LIN28B: variants seen among roughly 807,000 people sequenced by gnomAD.
LIN28B encodes the protein lin-28 RNA binding posttranscriptional regulator B.
In LIN28B, 5 loss-of-function variants were observed where a neutral mutation model predicts 21.9. The ratio of observed to expected loss-of-function variants is 0.23; its 90% CI spans 0.12 to 0.48. LIN28B has a LOEUF of 0.48. LIN28B is among the 20% of genes least tolerant of loss of function. LIN28B has a pLI of 0.98. For missense variants in LIN28B, 245 were observed against 310.5 expected (o/e 0.79, Z 1.58); for synonymous variants, 109 against 111.3 (o/e 0.98, Z 0.13).
intron 2 of LIN28B, among the ~76,000 whole-genome samples, chr6:104,985,879 A>G (rs1391028671): frequency 6.6e-6 from 1 of 152,216 alleles, no homozygotes; most frequent in African/African-American, 2.4e-5. Flanking sequence ...AGTTGACCCA[A>G]TACCCTAGAT....
At chr6:104,944,637 A>G (rs1433973676) in intron 2 of LIN28B, among the ~76,000 whole-genome samples, 2 of 152,222 alleles carry the variant, frequency 1.3e-5, no homozygotes, top group East Asian at 1.9e-4. Flanking sequence ...TACTGCTTAC[A>G]ATATTACTGT....
Position 104,951,035 on chromosome 6 carries a change from T to C in LIN28B, c.67+526T>C, listed in dbSNP as rs182092196. On this transcript the variant is annotated intron_variant, in intron 3 of 5. Coordinates refer to the LIN28B transcript ENST00000635857. ...CTGTGTTGCTTTTCATAAACATATA[T>C]CAGAATTTGCTCCTCGTTTTCATAT... Among the ~76,000 whole-genome samples the C allele has an allele frequency of 2.5e-3, 380 of 152,312 alleles. 8 individuals carry two copies. Among genetic ancestry groups the C allele is most frequent in the Admixed American group, 0.023 (352 of 15,286 alleles).
chr6:105,060,776 C>T (rs1772109951), intron 3 of LIN28B, among the ~76,000 whole-genome samples: 1 of 152,090 alleles, frequency 6.6e-6, no homozygotes, highest in Admixed American at 6.5e-5. Flanking sequence ...AAATGTAGAA[C>T]TTATTGGAAG....
At chr6:104,939,576 T>C (rs1562556182) in intron 2 of LIN28B, 1 of 152,206 alleles carries the variant, frequency 6.6e-6, no homozygotes, top group Non-Finnish European at 1.5e-5. Flanking sequence ...AATCCAGAAA[T>C]TGGAAGGGAG....
intron 2 of LIN28B, among the ~76,000 whole-genome samples, chr6:104,982,374 T>C (rs190842356): frequency 6.6e-6 from 1 of 152,060 alleles, no homozygotes; most frequent in East Asian, 1.9e-4. Context: ...AGTGATGAGA[T>C]TGAATGACAG....
intron 2 of LIN28B, among the ~76,000 whole-genome samples, chr6:104,964,189 A>C (rs1769810984): frequency 6.6e-6 from 1 of 152,196 alleles, no homozygotes; most frequent in Non-Finnish European, 1.5e-5. Flanking sequence ...ACTTAAAAAT[A>C]AGATGCACTG....
chr6:104,986,989 C>A (rs1770360253), intron 2 of LIN28B, among the ~76,000 whole-genome samples: 1 of 152,188 alleles, frequency 6.6e-6, no homozygotes, highest in African/African-American at 2.4e-5. Flanking sequence ...GTTTTTCAGA[C>A]ATACCAAAGC....
chr6:105,063,631 A>C (rs1202124103), intron 3 of LIN28B, among the ~76,000 whole-genome samples: 1 of 101,542 alleles, frequency 9.8e-6, no homozygotes. Flanking sequence ...GCAAGACTCC[A>C]TCTCGGGGGG....
At chr6:105,002,908 G>T (rs1052546465) in intron 2 of LIN28B, among the ~76,000 whole-genome samples, 2 of 152,124 alleles carry the variant, frequency 1.3e-5, no homozygotes, top group African/African-American at 4.8e-5. Flanking sequence ...GGGCTTCTGG[G>T]CAACAGCATT....
intron 3 of LIN28B, among the ~76,000 whole-genome samples, chr6:105,034,858 C>T (rs138083644): frequency 8.5e-4 from 129 of 152,038 alleles, no homozygotes; most frequent in African/African-American, 3.0e-3. Flanking sequence ...TTTGGGATTA[C>T]GAGAATCAGT....
intron 3 of LIN28B, among the ~76,000 whole-genome samples, chr6:105,051,206 C>T (rs191616822): frequency 2.6e-5 from 4 of 151,432 alleles, no homozygotes; most frequent in Non-Finnish European, 5.9e-5. Context: ...TTTGGGAGGC[C>T]GAGTCGGGTG....
chr6:104,950,830 G>T (rs967191037), intron 3 of LIN28B, among the ~76,000 whole-genome samples: 6 of 151,942 alleles, frequency 3.9e-5, no homozygotes, highest in Non-Finnish European at 7.4e-5. Flanking sequence ...TTATGGAGAT[G>T]AATGAAAAGT....
intron 2 of LIN28B, among the ~76,000 whole-genome samples, chr6:105,003,902 A>G (rs1205301559): frequency 6.6e-6 from 1 of 152,226 alleles, no homozygotes; most frequent in Non-Finnish European, 1.5e-5. Flanking sequence ...GGTTCTCTAG[A>G]GGGACAACAC....
At chr6:104,979,048 A>AT (rs1191518735) in intron 2 of LIN28B, among the ~76,000 whole-genome samples, 1 of 152,154 alleles carries the variant, frequency 6.6e-6, no homozygotes, top group Non-Finnish European at 1.5e-5. Context: ...CCAGTAAGTC[A>AT]TTTAAGATTT....
chr6:104,981,358 T>C (rs1770220578), intron 2 of LIN28B, among the ~76,000 whole-genome samples: 1 of 152,230 alleles, frequency 6.6e-6, no homozygotes, highest in Non-Finnish European at 1.5e-5. Context: ...ACCAGGTTCC[T>C]GTGATCCTTG....
chr6:105,054,759 T>A (rs1771987879), intron 3 of LIN28B, among the ~76,000 whole-genome samples: 2 of 152,206 alleles, frequency 1.3e-5, no homozygotes, highest in African/African-American at 4.8e-5. Context: ...CTTGCCACTT[T>A]GGGGTGCCCC....
rs79348985 is a variant in LIN28B at position 104,959,143 on chromosome 6, C to T, written c.198+857C>T. ...TAATGAATTAATACTTCTGCCTTTA[C>T]TCCTCTCTACTGCTTAATCCCTTTA... On this transcript the variant is annotated intron_variant, in intron 2 of 3. Transcript: ENST00000345080. 1.4e-4 allele frequency among the ~76,000 whole-genome samples: 22 copies of T among 152,280 alleles called. No individual in the cohort carries two copies. The East Asian group carries it at 4.2e-3, about 29-fold the overall frequency.
intron 3 of LIN28B, among the ~76,000 whole-genome samples, chr6:105,056,147 A>G (rs1320167081): frequency 6.6e-6 from 1 of 151,928 alleles, no homozygotes; most frequent in African/African-American, 2.4e-5. Context: ...CATATTTATG[A>G]TAGCGATTTT....
intron 2 of LIN28B, among the ~76,000 whole-genome samples, chr6:104,973,306 GATA>G (rs1269545113): frequency 3.9e-5 from 6 of 151,946 alleles, no homozygotes; most frequent in African/African-American, 1.2e-4. Context: ...TAAAACATGG[GATA>G]ATGTTTTCAG....
Sources: allele counts gnomAD v4.1 joint callset (sites outside exome capture counted in the v4.1 genomes callset), GRCh38; gene constraint gnomAD v4.1.1; transcripts MANE v1.5; gene names NCBI Gene and HGNC (gene_info 2026-07-23, HGNC 2026-07-21).